The following SNX29 variants were observed in gnomAD, a reference collection of about 807,000 sequenced individuals.
SNX29 encodes the protein sorting nexin-29.
A neutral mutation model predicts 102.1 loss-of-function variants in SNX29; 78 were observed. That is an observed-to-expected ratio of 0.76 (90% confidence interval 0.64 to 0.92). The LOEUF is 0.92. Among genes scored for constraint, SNX29 ranks in the 40% least tolerant of loss-of-function variants. The probability of loss-of-function intolerance (pLI) is 0.00; values close to 1 mark genes in which losing one functional copy is unlikely to be tolerated. For missense variants in SNX29, 1,280 were observed against 1,061.7 expected, an observed-to-expected ratio of 1.21 and a Z score of -2.86; for synonymous variants, 580 against 414.5, an observed-to-expected ratio of 1.40 and a Z score of -4.85.
chr16:12,255,558 A>G (rs910960242), intron 14 of SNX29, among the ~76,000 whole-genome samples: 2 of 151,692 alleles, frequency 1.3e-5, no homozygotes, highest in African/African-American at 4.9e-5. Context: ...CCCGACCCCA[A>G]CCTCTGGTAA....
chr16:12,240,510 C>A (rs77986333), intron 14 of SNX29, among the ~76,000 whole-genome samples: 3 of 145,506 alleles, frequency 2.1e-5, no homozygotes, highest in African/African-American at 7.7e-5. Context: ...TTTTTTCTGT[C>A]GGTTTTTGTT....
At chr16:12,087,772 C>T (rs1417775909) in intron 11 of SNX29, 1 of 443,054 alleles carries the variant, frequency 2.3e-6, no homozygotes, top group Admixed American at 2.4e-5. Flanking sequence ...TGCTCAGAGT[C>T]ACACAGCCAA....
chr16:12,154,906 G>A (rs750571241), intron 13 of SNX29, among the ~76,000 whole-genome samples: 2 of 152,162 alleles, frequency 1.3e-5, no homozygotes, highest in East Asian at 1.9e-4. Context: ...TTAAAATGCC[G>A]CACCTCCTAA....
intron 15 of SNX29, among the ~76,000 whole-genome samples, chr16:12,339,910 A>G (rs1567455079): frequency 6.6e-6 from 1 of 152,228 alleles, no homozygotes; most frequent in Non-Finnish European, 1.5e-5. Context: ...GCGTTTGGTC[A>G]GCTTCCCCAG....
At chr16:12,324,368 C>A (rs2081051071) in intron 15 of SNX29, among the ~76,000 whole-genome samples, 1 of 151,986 alleles carries the variant, frequency 6.6e-6, no homozygotes, top group Non-Finnish European at 1.5e-5. Context: ...ACAGGATGAC[C>A]TTTCTCCTCT....
chr16:12,217,041 T>G (rs1044425225), intron 14 of SNX29, among the ~76,000 whole-genome samples: 4 of 152,190 alleles, frequency 2.6e-5, no homozygotes, highest in African/African-American at 9.7e-5. Flanking sequence ...CTTTTGTTTT[T>G]GTTTTGAGAC....
intron 10 of SNX29, among the ~76,000 whole-genome samples, chr16:12,076,386 C>G (rs927498387): frequency 6.6e-6 from 1 of 151,778 alleles, no homozygotes; most frequent in African/African-American, 2.4e-5. Context: ...CTGCAACATC[C>G]GCCTCCTGGG....
intron 13 of SNX29, among the ~76,000 whole-genome samples, chr16:12,133,157 C>A (rs2054531031): frequency 6.6e-6 from 1 of 152,034 alleles, no homozygotes; most frequent in Admixed American, 6.6e-5. Flanking sequence ...GTGGATACAG[C>A]TAGGGCTTTA....
chr16:12,318,891 A>T (rs1050560220), intron 15 of SNX29, among the ~76,000 whole-genome samples: 9 of 152,034 alleles, frequency 5.9e-5, no homozygotes, highest in Non-Finnish European at 1.0e-4. Context: ...AGTCCTGAAG[A>T]CCTTCCTCTA....
intron 4 of SNX29, among the ~76,000 whole-genome samples, chr16:12,028,132 G>C (rs1408089997): frequency 1.3e-5 from 2 of 152,168 alleles, no homozygotes; most frequent in East Asian, 3.8e-4. Flanking sequence ...CCTGACCACG[G>C]CTGCTGCTGG....
At chr16:12,413,556 G>T (rs2084493549) in intron 18 of SNX29, among the ~76,000 whole-genome samples, 1 of 142,738 alleles carries the variant, frequency 7.0e-6, no homozygotes, top group Non-Finnish European at 1.6e-5. Context: ...ACACAGAGGA[G>T]TGGCTCTGTG....
chr16:12,213,362 A>G (rs924101680), intron 14 of SNX29, among the ~76,000 whole-genome samples: 2 of 152,136 alleles, frequency 1.3e-5, no homozygotes, highest in African/African-American at 4.8e-5. Context: ...AAAACTACCT[A>G]TTGGGTCTAG....
At chr16:12,058,556 G>GTC (rs1333005716) in intron 8 of SNX29, among the ~76,000 whole-genome samples, 1 of 147,698 alleles carries the variant, frequency 6.8e-6, no homozygotes, top group African/African-American at 2.5e-5. Flanking sequence ...TGCAGTGGCG[G>GTC]GATCTCAGCT....
chr16:12,404,136 A>G (rs2084069965), intron 18 of SNX29, among the ~76,000 whole-genome samples: 2 of 152,094 alleles, frequency 1.3e-5, no homozygotes, highest in Admixed American at 1.3e-4. Flanking sequence ...GAGAGTGGGG[A>G]AAGGAGATTC....
At chr16:12,095,882 T>A (rs1031467346) in intron 11 of SNX29, among the ~76,000 whole-genome samples, 1 of 152,250 alleles carries the variant, frequency 6.6e-6, no homozygotes, top group East Asian at 1.9e-4. Context: ...TCCTTTTTTT[T>A]CCTCTTGGCT....
chr16:12,421,371 G>C (rs965026024), intron 18 of SNX29, among the ~76,000 whole-genome samples: 1 of 152,220 alleles, frequency 6.6e-6, no homozygotes, highest in African/African-American at 2.4e-5. Flanking sequence ...AGGTCTCAAA[G>C]GAGGTTTGGA....
Position 12,398,517 on chromosome 16 carries a change from G to T in SNX29, c.1955+16G>T. ...ATTTTGAAATGTAAGTCCACAGCCT[G>T]TGCTCACAAGGGGTCCTTTAGAAAC... On this transcript the variant is annotated intron_variant, in intron 17 of 20. Coordinates refer to ENST00000566228, the MANE Select transcript of SNX29 (RefSeq NM_032167.5). The T allele has an allele frequency of 6.2e-7, 1 of 1,613,954 alleles. No individual in the cohort carries two copies. The highest frequency in any genetic ancestry group is 8.5e-7 in the Non-Finnish European group (1 of 1,179,840).
intron 16 of SNX29, among the ~76,000 whole-genome samples, chr16:12,393,910 A>G (rs2083627116): frequency 6.6e-6 from 1 of 152,238 alleles, no homozygotes; most frequent in Non-Finnish European, 1.5e-5. Flanking sequence ...GGAAGAAACC[A>G]AGGTTTACGG....
chr16:12,173,263 G>T (rs1483940439), intron 13 of SNX29, among the ~76,000 whole-genome samples: 1 of 152,186 alleles, frequency 6.6e-6, no homozygotes, highest in Admixed American at 6.5e-5. Context: ...AGCCAGGCTT[G>T]CAGAGAGTTA....
Sources: allele counts gnomAD v4.1 joint callset (sites outside exome capture counted in the v4.1 genomes callset), GRCh38; gene constraint gnomAD v4.1.1; transcripts MANE v1.5; gene names NCBI Gene and HGNC (gene_info 2026-07-23, HGNC 2026-07-21).